Variants in CLSTN2 observed in about 807,000 individuals in gnomAD.
CLSTN2 encodes calsyntenin-2.
A neutral mutation model predicts 101.2 loss-of-function variants in CLSTN2; 48 were observed. The observed-to-expected ratio is 0.47, with a 90% CI of 0.38 to 0.60. The LOEUF is 0.60. Among genes scored for constraint, CLSTN2 ranks in the 20% least tolerant of loss-of-function variants. The pLI, the probability that CLSTN2 is intolerant of heterozygous loss-of-function variation, is 0.00. For synonymous variants in CLSTN2, 481 were observed against 463.6 expected (o/e 1.04, Z -0.48); for missense variants, 1,160 against 1,238.2 (o/e 0.94, Z 0.95).
intron 4 of CLSTN2, among the ~76,000 whole-genome samples, chr3:140,417,404 C>A (rs754401234): frequency 6.6e-6 from 1 of 152,068 alleles, no homozygotes; most frequent in Non-Finnish European, 1.5e-5. Context: ...GGAGGAATTG[C>A]ACTCCCAAAA....
chr3:140,469,791 G>C (rs1933793653), intron 8 of CLSTN2, among the ~76,000 whole-genome samples: 1 of 152,306 alleles, frequency 6.6e-6, no homozygotes. Context: ...AAGATTAAAA[G>C]AAGGGAGAGA....
chr3:139,988,534 G>C (rs894103227), intron 1 of CLSTN2, among the ~76,000 whole-genome samples: 1 of 152,158 alleles, frequency 6.6e-6, no homozygotes, highest in Non-Finnish European at 1.5e-5. Flanking sequence ...GGAGGAATAA[G>C]ATATAGTCCC....
At chr3:140,007,288 A>T (rs141420303) in intron 1 of CLSTN2, among the ~76,000 whole-genome samples, 10 of 152,322 alleles carry the variant, frequency 6.6e-5, no homozygotes, top group Non-Finnish European at 7.3e-5. Context: ...AGACTGAATA[A>T]CTAACTGGTG....
intron 2 of CLSTN2, among the ~76,000 whole-genome samples, chr3:140,272,798 A>G (rs906868392): frequency 9.9e-5 from 15 of 152,156 alleles, no homozygotes; most frequent in Non-Finnish European, 2.9e-5. Flanking sequence ...AAACTTTAAT[A>G]TTCAGTATTT....
intron 1 of CLSTN2, among the ~76,000 whole-genome samples, chr3:140,145,377 G>A (rs1258516769): frequency 6.6e-6 from 1 of 152,226 alleles, no homozygotes. Flanking sequence ...AAGTTTCTGG[G>A]GGAAATGAAT....
At chr3:140,519,578 G>C (rs572227905) in intron 8 of CLSTN2, among the ~76,000 whole-genome samples, 1 of 152,128 alleles carries the variant, frequency 6.6e-6, no homozygotes, top group East Asian at 1.9e-4. Flanking sequence ...CCCTTTACCA[G>C]TATGTAATTA....
chr3:140,020,488 C>A (rs2007291581), intron 1 of CLSTN2, among the ~76,000 whole-genome samples: 1 of 152,222 alleles, frequency 6.6e-6, no homozygotes, highest in Non-Finnish European at 1.5e-5. Context: ...TCTACCCCTG[C>A]AACAGCCATG....
chr3:140,476,790 C>A (rs1227441320), intron 8 of CLSTN2, among the ~76,000 whole-genome samples: 1 of 151,756 alleles, frequency 6.6e-6, no homozygotes, highest in East Asian at 1.9e-4. Flanking sequence ...TCCCGAGTAG[C>A]TGGGACTACA....
chr3:140,028,736 T>G (rs1576402047), intron 1 of CLSTN2, among the ~76,000 whole-genome samples: 2 of 152,308 alleles, frequency 1.3e-5, no homozygotes, highest in Non-Finnish European at 2.9e-5. Context: ...CTTCTGTTAG[T>G]GTATTTTCCA....
intron 2 of CLSTN2, among the ~76,000 whole-genome samples, chr3:140,250,098 G>GT (rs997719178): frequency 3.3e-5 from 5 of 152,152 alleles, no homozygotes; most frequent in Admixed American, 6.5e-5. Flanking sequence ...AGAATAACTT[G>GT]TTTTTTGGAG....
intron 1 of CLSTN2, among the ~76,000 whole-genome samples, chr3:139,990,981 A>T (rs1211810097): frequency 1.3e-5 from 2 of 152,232 alleles, no homozygotes; most frequent in Non-Finnish European, 2.9e-5. Flanking sequence ...AAATAAAATT[A>T]TTTAAATGAA....
chr3:140,364,218 C>T (rs9864332), intron 2 of CLSTN2, among the ~76,000 whole-genome samples: 1 of 152,064 alleles, frequency 6.6e-6, no homozygotes, highest in African/African-American at 2.4e-5. Context: ...CAGACACACT[C>T]ACCCAGAGTT....
intron 1 of CLSTN2, among the ~76,000 whole-genome samples, chr3:140,171,843 TATA>T (rs1235493260): frequency 6.0e-5 from 7 of 116,384 alleles, no homozygotes; most frequent in East Asian, 2.2e-4. Flanking sequence ...CAATATATAA[TATA>T]ATATATATAT....
chr3:140,345,885 T>G (rs2087541625), intron 2 of CLSTN2, among the ~76,000 whole-genome samples: 1 of 152,222 alleles, frequency 6.6e-6, no homozygotes. Flanking sequence ...TCCAAAGCCT[T>G]TCGCTGTGAA....
rs113405792 is a variant in CLSTN2 at position 140,400,873 on chromosome 3, T to G, written c.233-2756T>G. On this transcript the variant is annotated intron_variant, in intron 2 of 16. Transcript: ENST00000458420. ...CCCTTGGACTCACCATGTTCCTTTC[T>G]TCTGAAGGGTCCTAAGCCACCACAT... Among the ~76,000 whole-genome samples the G allele has an allele frequency of 9.5e-3, 1,443 of 152,310 alleles. 23 individuals carry two copies. The highest frequency in any genetic ancestry group is 0.031 in the African/African-American group (1,288 of 41,568).
At chr3:140,008,692 A>G (rs16849669) in intron 1 of CLSTN2, among the ~76,000 whole-genome samples, 2,945 of 152,340 alleles carry the variant, frequency 0.019, 35 homozygotes, top group Middle Eastern at 0.088. Flanking sequence ...GAATTTTCCT[A>G]ATACGAACAA....
rs2087962300 is a variant in CLSTN2 at position 140,380,078 on chromosome 3, A to C, written c.233-23551A>C. Among the ~76,000 whole-genome samples, 2 of 152,188 alleles carry C rather than the reference A, an allele frequency of 1.3e-5. 1 individual carries two copies. The highest frequency in any genetic ancestry group is 4.1e-4 in the South Asian group (2 of 4,824). On this transcript the variant is annotated intron_variant, in intron 2 of 16. Transcript: ENST00000458420. ...TGACTTTCTGGTGGAATTTCAGACA[A>C]CACCAGGGGAAATTGTTGGAATAAG...
chr3:140,015,203 T>C (rs2007176958), intron 1 of CLSTN2, among the ~76,000 whole-genome samples: 1 of 152,216 alleles, frequency 6.6e-6, no homozygotes, highest in South Asian at 2.1e-4. Context: ...AACTTTGCCC[T>C]GGAGTAAGTC....
intron 8 of CLSTN2, among the ~76,000 whole-genome samples, chr3:140,503,257 C>T (rs1043317173): frequency 3.3e-5 from 5 of 152,144 alleles, no homozygotes; most frequent in African/African-American, 1.2e-4. Flanking sequence ...CAGTCATGTG[C>T]CACATAATCA....
Sources: allele counts gnomAD v4.1 joint callset (sites outside exome capture counted in the v4.1 genomes callset), GRCh38; gene constraint gnomAD v4.1.1; transcripts MANE v1.5; gene names NCBI Gene and HGNC (gene_info 2026-07-23, HGNC 2026-07-21).